ZNF354C: variants seen among roughly 807,000 people sequenced by gnomAD.
ZNF354C encodes the protein KRAB-zinc finger protein synten.
A neutral mutation model predicts 12.4 loss-of-function variants in ZNF354C; 7 were observed. That is an observed-to-expected ratio of 0.56 (90% CI 0.32 to 1.06). ZNF354C has a LOEUF of 1.06. Ranked by LOEUF, ZNF354C falls within the 50% of genes least tolerant of loss-of-function variation. The pLI is 0.04. For missense variants in ZNF354C, 609 were observed against 658.0 expected, an observed-to-expected ratio of 0.93 and a Z score of 0.81; for synonymous variants, 202 against 224.5, an observed-to-expected ratio of 0.90 and a Z score of 0.90.
chr5:179,064,486 G>A (rs896817897), intron 2 of ZNF354C, among the ~76,000 whole-genome samples: 1 of 151,694 alleles, frequency 6.6e-6, no homozygotes, highest in Non-Finnish European at 1.5e-5. Context: ...GCGCCATCTC[G>A]GTTCACTGCA....
intron 2 of ZNF354C, among the ~76,000 whole-genome samples, chr5:179,066,000 T>TA (rs1356520186): frequency 6.6e-6 from 1 of 152,224 alleles, no homozygotes; most frequent in Non-Finnish European, 1.5e-5. Context: ...AGCCCACACT[T>TA]ACGGCCTGGC....
intron 2 of ZNF354C, among the ~76,000 whole-genome samples, chr5:179,071,665 T>C (rs1762054969): frequency 6.6e-6 from 1 of 152,112 alleles, no homozygotes; most frequent in Non-Finnish European, 1.5e-5. Context: ...CAAAACTTAG[T>C]CACAAACTTG....
intron 2 of ZNF354C, among the ~76,000 whole-genome samples, chr5:179,068,508 T>C (rs1426879471): frequency 6.6e-6 from 1 of 152,266 alleles, no homozygotes; most frequent in African/African-American, 2.4e-5. Flanking sequence ...CATTGTGTTT[T>C]TGTTTTCAAT....
chr5:179,079,784 G>A lies in ZNF354C; in HGVS notation c.1352G>A (p.Cys451Tyr). 1 of 1,613,208 alleles carries A rather than the reference G, an allele frequency of 6.2e-7. No individual in the cohort carries two copies. The highest frequency in any genetic ancestry group is 8.5e-7 in the Non-Finnish European group (1 of 1,179,740). ...TCEECGKAFGCKSNLYRHQRI... is the reference protein window; with the variant it reads ...TCEECGKAFGYKSNLYRHQRI... ...GAGGAATGTGGGAAAGCCTTTGGTT[G>A]CAAATCTAACCTTTATAGGCATCAG... The change falls in exon 5 of 5, where the codon TGC becomes TAC. Residue 451 changes from cysteine (C) to tyrosine (Y), a missense_variant. By Grantham distance (194) the Cys-to-Tyr change is radical (BLOSUM62 -2). Transcript: ENST00000315475. This position sits in a 1 kb window ranked among gnomAD's most constrained non-coding sequence, Gnocchi z 4.2.
In ZNF354C at chr5:179,083,013, C is replaced by A. The variant is rs1223427886; in HGVS notation, c.*2916C>A. 2 of 765,290 alleles carry A rather than the reference C, an allele frequency of 2.6e-6. No individual in the cohort carries two copies. Among genetic ancestry groups the A allele is most frequent in the Non-Finnish European group, 4.5e-6 (2 of 442,724 alleles). The allele number at this position is 765,290 out of a possible 1,614,324, so 47.4% of individuals were successfully genotyped here. Reference sequence around the variant, plus strand: ...ATCCCCTACTTCATAGTTAATGAAGCCAAACTGATCTTGCACACATTCCAC... The same window carrying A: ...ATCCCCTACTTCATAGTTAATGAAGACAAACTGATCTTGCACACATTCCAC... On this transcript the variant is annotated 3_prime_UTR_variant, in exon 5 of 5. Transcript: ENST00000315475.
chr5:179,076,182 G>C (rs1360630338), intron 2 of ZNF354C, among the ~76,000 whole-genome samples: 2 of 152,162 alleles, frequency 1.3e-5, no homozygotes, highest in African/African-American at 4.8e-5. Flanking sequence ...ATCCCAGGCT[G>C]GTATTTAAAT....
At chr5:179,064,507 C>T (rs999185927) in intron 2 of ZNF354C, among the ~76,000 whole-genome samples, 6 of 152,018 alleles carry the variant, frequency 3.9e-5, no homozygotes, top group Non-Finnish European at 8.8e-5. Flanking sequence ...AGCTCCGCCT[C>T]CCGGGTTCAC....
At chr5:179,061,153 C>T (rs764175114) in intron 1 of ZNF354C, among the ~76,000 whole-genome samples, 3 of 152,256 alleles carry the variant, frequency 2.0e-5, no homozygotes, top group Non-Finnish European at 4.4e-5. Flanking sequence ...TCGAGGCACC[C>T]GCTGGAACTG....
At chr5:179,064,904 G>T (rs952705402) in intron 2 of ZNF354C, among the ~76,000 whole-genome samples, 1 of 151,986 alleles carries the variant, frequency 6.6e-6, no homozygotes, top group Non-Finnish European at 1.5e-5. Context: ...AAAAAAATAG[G>T]TTCTTTGCAA....
rs761235131 is a variant in ZNF354C, at chr5:179,069,561, CA to C, written c.28-6866del. Among the ~76,000 whole-genome samples, 570 of 77,586 alleles carry C rather than the reference CA, an allele frequency of 7.3e-3. 2 individuals are homozygous for C. Among genetic ancestry groups the C allele is most frequent in the Non-Finnish European group, 0.01 (408 of 40,546 alleles). 50.9% of individuals were successfully genotyped at this position (77,586 alleles called of 152,430 possible). A position where few individuals can be genotyped will look rare whatever the true frequency, so the allele number is the denominator to read the frequency against. On this transcript the variant is annotated intron_variant, in intron 2 of 4. Coordinates refer to ENST00000315475, the MANE Select transcript of ZNF354C (RefSeq NM_014594.3). ...TGGGCGACAGAGCAAGACTCCATCT[CA>C]AAAAAAAAAAAAAAAAAGAAAGGCC...
intron 2 of ZNF354C, among the ~76,000 whole-genome samples, chr5:179,072,342 G>C (rs979016953): frequency 6.6e-6 from 1 of 151,788 alleles, no homozygotes; most frequent in Non-Finnish European, 1.5e-5. Context: ...ATGAACATAA[G>C]GAGAAGTCAG....
rs1762243028 is a variant in ZNF354C at position 179,082,575 on chromosome 5, A to G, written c.*2478A>G. ...ATAGCTCAAAAGAACTAAGTATTCC[A>G]GATTTCGGGAGGGATGAAGAGGGAG... On this transcript the variant is annotated 3_prime_UTR_variant, in exon 5 of 5. Transcript: ENST00000315475. The G allele has an allele frequency of 3.4e-6, 3 of 889,874 alleles. No individual in the cohort carries two copies. The highest frequency in any genetic ancestry group is 2.6e-5 in the South Asian group (2 of 75,762). 55.1% of individuals were successfully genotyped at this position (889,874 alleles called of 1,614,324 possible). A position where few individuals can be genotyped will look rare whatever the true frequency, so the allele number is the denominator to read the frequency against.
At chr5:179,064,710 G>C (rs544109152) in intron 2 of ZNF354C, among the ~76,000 whole-genome samples, 105 of 151,992 alleles carry the variant, frequency 6.9e-4, no homozygotes, top group Middle Eastern at 3.4e-3. Flanking sequence ...CACCGCGCCC[G>C]GCCTATGTAA....
At chr5:179,069,831 A>AGT (rs1762024397) in intron 2 of ZNF354C, among the ~76,000 whole-genome samples, 1 of 152,158 alleles carries the variant, frequency 6.6e-6, no homozygotes, top group Non-Finnish European at 1.5e-5. Context: ...GCGCCCCTGC[A>AGT]CTCCAGCCTG....
At chr5:179,061,886 T>A (rs1013880751) in intron 1 of ZNF354C, 129 bp from the exon 2 acceptor site, 3 of 690,184 alleles carry the variant, frequency 4.3e-6, no homozygotes, top group Middle Eastern at 4.1e-4. Context: ...GTAAACACTC[T>A]TCTTGCTTTA....
In ZNF354C at chr5:179,083,397, A is replaced by G. The variant is rs2113132732; in HGVS notation, c.*3300A>G. On this transcript the variant is annotated 3_prime_UTR_variant, in exon 5 of 5. Coordinates refer to ENST00000315475, the MANE Select transcript of ZNF354C (RefSeq NM_014594.3). ...TGAAAAGTCATGATGTTGACAGCAT[A>G]TTTTCAAATAAATATGTACAAAATC... is the stretch of plus-strand genomic sequence containing the variant. The G allele has an allele frequency of 1.9e-5, 3 of 153,936 alleles. No homozygotes were observed. The Middle Eastern group carries it at 0.01, about 517-fold the overall frequency. The allele number at this position is 153,936 out of a possible 1,614,324, so 9.5% of individuals were successfully genotyped here.
Position 179,079,520 on chromosome 5 carries a change from A to C in ZNF354C, c.1088A>C (p.Lys363Thr), listed in dbSNP as rs779173380. 5.4e-5 allele frequency: 87 copies of C among 1,614,090 alleles called. No homozygotes were observed. Among genetic ancestry groups the C allele is most frequent in the Non-Finnish European group, 7.3e-5 (86 of 1,180,036 alleles). The change falls in exon 5 of 5, where the codon AAG (lysine) becomes ACG (threonine). Residue 363 changes from lysine to threonine, a missense_variant. Lys to Thr is a moderately conservative substitution (Grantham distance 78, BLOSUM62 -1). Transcript: ENST00000315475. This position sits in a 1 kb window ranked among gnomAD's most constrained non-coding sequence, Gnocchi z 4.2. ...CCCTATAAATGTAGTGAGTGTGGGA[A>C]GGGATACAGCCAGTTTACATCTCTA... is the stretch of plus-strand genomic sequence containing the variant. ...EKPYKCSECG[K>T]GYSQFTSLAE...
rs2113122331 is a variant in ZNF354C at position 179,076,519 on chromosome 5, G to A, written c.102G>A (p.Arg34=). The A allele has an allele frequency of 6.2e-7, 1 of 1,614,176 alleles. No individual in the cohort carries two copies. Among genetic ancestry groups the A allele is most frequent in the Non-Finnish European group, 8.5e-7 (1 of 1,180,038 alleles). The change falls in exon 3 of 5, where the codon AGG becomes AGA. Residue 34 remains arginine, a synonymous_variant. Transcript: ENST00000315475. The stretch of plus-strand genomic sequence containing the variant: ...GGTTGCACCTGGACTCTGCCCAGAG[G>A]GCCTTGTACCGGGAGGTGATGCTGG... ...DEWLHLDSAQ[R]ALYREVMLEN...
intron 4 of ZNF354C, among the ~76,000 whole-genome samples, chr5:179,077,848 C>A (rs1762147473): frequency 1.3e-5 from 2 of 150,424 alleles, no homozygotes; most frequent in Non-Finnish European, 1.5e-5. Flanking sequence ...CTCTGTCACC[C>A]AGGCCGGAGT....
Sources: allele counts gnomAD v4.1 joint callset (sites outside exome capture counted in the v4.1 genomes callset), GRCh38; gene constraint gnomAD v4.1.1; non-coding constraint Gnocchi (gnomAD v3.1); transcripts MANE v1.5; gene names NCBI Gene and HGNC (gene_info 2026-07-23, HGNC 2026-07-21).